Variants in COL25A1 observed in about 807,000 individuals in gnomAD.
COL25A1 encodes collagen alpha-1(XXV) chain.
A neutral mutation model predicts 128.4 loss-of-function variants in COL25A1; 103 were observed. That is an observed-to-expected ratio of 0.80 (90% CI 0.68 to 0.94). COL25A1 has a LOEUF of 0.94. Ranked by LOEUF, COL25A1 falls within the 40% of genes least tolerant of loss-of-function variation. The probability of loss-of-function intolerance (pLI) is 0.00; values close to 1 mark genes in which losing one functional copy is unlikely to be tolerated. For synonymous variants in COL25A1, 279 were observed against 277.2 expected (o/e 1.01, Z -0.06); for missense variants, 745 against 840.0 (o/e 0.89, Z 1.40).
intron 24 of COL25A1, 78 bp from the exon 25 acceptor site, chr4:108,853,003 T>A (rs1735976038): frequency 7.5e-7 from 1 of 1,339,818 alleles, no homozygotes; most frequent in Non-Finnish European, 1.1e-6. Context: ...TGTGAAATAA[T>A]CAACTTTTTG....
At chr4:108,932,512 T>C (rs1746873336) in intron 11 of COL25A1, among the ~76,000 whole-genome samples, 1 of 152,224 alleles carries the variant, frequency 6.6e-6, no homozygotes, top group Admixed American at 6.5e-5. Flanking sequence ...TTAAGTATTC[T>C]TATAATTCAG....
intron 3 of COL25A1, among the ~76,000 whole-genome samples, chr4:109,224,832 C>G (rs1399157846): frequency 6.6e-6 from 1 of 152,082 alleles, no homozygotes; most frequent in African/African-American, 2.4e-5. Flanking sequence ...CCCAGCTACT[C>G]GGGAGGCTGA....
chr4:108,822,607 T>TG (rs1233110754), intron 35 of COL25A1, among the ~76,000 whole-genome samples: 1 of 151,880 alleles, frequency 6.6e-6, no homozygotes, highest in African/African-American at 2.4e-5. Context: ...TTAGTAGAGA[T>TG]GGGGGTCTCA....
intron 4 of COL25A1, among the ~76,000 whole-genome samples, chr4:109,048,588 C>T (rs1435771139): frequency 6.6e-6 from 1 of 151,894 alleles, no homozygotes; most frequent in East Asian, 1.9e-4. Context: ...AGAAATGTAC[C>T]AATTATTTGT....
At chr4:109,089,897 G>A (rs866458162) in intron 3 of COL25A1, among the ~76,000 whole-genome samples, 5 of 151,610 alleles carry the variant, frequency 3.3e-5, no homozygotes, top group Admixed American at 2.0e-4. Context: ...GAGCCACCAC[G>A]CCCAGCTATA....
chr4:109,201,482 A>G (rs1776554463), intron 3 of COL25A1, among the ~76,000 whole-genome samples: 1 of 152,184 alleles, frequency 6.6e-6, no homozygotes, highest in South Asian at 2.1e-4. Context: ...AATAGAGGGT[A>G]ACTTTCTCAA....
intron 11 of COL25A1, among the ~76,000 whole-genome samples, chr4:108,923,989 C>T (rs1004262102): frequency 6.6e-6 from 1 of 152,074 alleles, no homozygotes; most frequent in Non-Finnish European, 1.5e-5. Context: ...AATTTCTTTG[C>T]ATATATCTCA....
intron 16 of COL25A1, among the ~76,000 whole-genome samples, chr4:108,890,301 G>T (rs1292414242): frequency 6.6e-6 from 1 of 152,172 alleles, no homozygotes; most frequent in Non-Finnish European, 1.5e-5. Context: ...CAATGGGCAC[G>T]TTTTTTCCAG....
intron 3 of COL25A1, among the ~76,000 whole-genome samples, chr4:109,152,084 T>C (rs1771554957): frequency 8.0e-6 from 1 of 125,176 alleles, no homozygotes; most frequent in African/African-American, 2.7e-5. Flanking sequence ...ACAGAAAGCA[T>C]GACTTTTTAA....
chr4:109,286,485 C>T (rs1723903408), intron 3 of COL25A1, among the ~76,000 whole-genome samples: 1 of 152,136 alleles, frequency 6.6e-6, no homozygotes, highest in Non-Finnish European at 1.5e-5. Context: ...GACTACCCTT[C>T]ATTTCCTGTT....
chr4:108,937,900 TTCAA>T, intron 10 of COL25A1, 57 bp from the exon 11 acceptor site: 1 of 1,410,950 alleles, frequency 7.1e-7, no homozygotes, highest in Non-Finnish European at 9.8e-7. Context: ...AAAAAAACCC[TTCAA>T]TCATTTTTTC....
chr4:108,840,645 C>T (rs1436183632), intron 31 of COL25A1, among the ~76,000 whole-genome samples: 2 of 152,202 alleles, frequency 1.3e-5, no homozygotes, highest in Non-Finnish European at 2.9e-5. Flanking sequence ...AGTGCCAACA[C>T]TGCCTTTATG....
chr4:109,004,091 A>G (rs181840040), intron 6 of COL25A1, among the ~76,000 whole-genome samples: 58 of 152,070 alleles, frequency 3.8e-4, no homozygotes, highest in African/African-American at 1.3e-3. Flanking sequence ...CCCTTTCACC[A>G]TCTCATTTCC....
intron 3 of COL25A1, among the ~76,000 whole-genome samples, chr4:109,296,946 CA>C (rs1479875088): frequency 9.2e-5 from 14 of 152,092 alleles, no homozygotes; most frequent in Middle Eastern, 3.4e-3. Flanking sequence ...GAACAGAACC[CA>C]AAACTAAATT....
At position 108,869,745 on chromosome 4, in the gene COL25A1, G is replaced by A. The variant is rs1738470004; in HGVS notation, c.1021-595C>T. Among the ~76,000 whole-genome samples the A allele has an allele frequency of 2.0e-5, 3 of 152,072 alleles. No individual in the cohort carries two copies. The South Asian group carries it at 6.2e-4, about 32-fold the overall frequency. On this transcript the variant is annotated intron_variant, in intron 19 of 37. Transcript: ENST00000399132. ...TTTAACTATTTGAGGTCAAATATAAGAGTTTACCCAAAATCTATAAGAAAA... is the reference window on the plus strand; with the variant it reads ...TTTAACTATTTGAGGTCAAATATAAAAGTTTACCCAAAATCTATAAGAAAA...
intron 5 of COL25A1, among the ~76,000 whole-genome samples, chr4:109,015,260 C>A (rs1757111909): frequency 6.6e-6 from 1 of 152,190 alleles, no homozygotes; most frequent in African/African-American, 2.4e-5. Context: ...TCATTCGTTA[C>A]TGAGTAGTAT....
At chr4:109,074,715 T>C (rs922589197) in intron 3 of COL25A1, among the ~76,000 whole-genome samples, 1 of 152,170 alleles carries the variant, frequency 6.6e-6, no homozygotes, top group Non-Finnish European at 1.5e-5. Flanking sequence ...ATTTACTCAT[T>C]TATAATAGTG....
intron 3 of COL25A1, among the ~76,000 whole-genome samples, chr4:109,226,983 T>C (rs1219127214): frequency 6.6e-6 from 1 of 152,168 alleles, no homozygotes; most frequent in East Asian, 1.9e-4. Flanking sequence ...TGGTTGCTAA[T>C]TGTGGGCACC....
chr4:109,021,515 C>T (rs1757763666), intron 5 of COL25A1, among the ~76,000 whole-genome samples: 2 of 152,082 alleles, frequency 1.3e-5, no homozygotes, highest in Non-Finnish European at 1.5e-5. Flanking sequence ...ACTGCATTAA[C>T]CGTACAAATT....
Sources: allele counts gnomAD v4.1 joint callset (sites outside exome capture counted in the v4.1 genomes callset), GRCh38; gene constraint gnomAD v4.1.1; transcripts MANE v1.5; gene names NCBI Gene and HGNC (gene_info 2026-07-23, HGNC 2026-07-21).